LIMS1: variants seen among roughly 807,000 people sequenced by gnomAD.
LIMS1 encodes LIM zinc finger domain containing 1, also known as LIM and senescent cell antigen-like-containing domain protein 1.
LIMS1 carries 18 observed loss-of-function variants against 44.1 expected under a neutral mutation model. The ratio of observed to expected loss-of-function variants is 0.41; its 90% CI spans 0.28 to 0.61. The LOEUF is 0.61. Among genes scored for constraint, LIMS1 ranks in the 20% least tolerant of loss-of-function variants. The pLI is 0.32. For synonymous variants in LIMS1, 93 were observed against 149.1 expected (o/e 0.62, Z 2.74); for missense variants, 201 against 422.0 (o/e 0.48, Z 4.59).
At position 108,556,628 on chromosome 2, in the gene LIMS1, CCCTT is replaced by C. The variant is rs1477394539; in HGVS notation, c.32+22039_32+22042del. Among the ~76,000 whole-genome samples the C allele has an allele frequency of 2.0e-5, 3 of 152,340 alleles. No individual in the cohort carries two copies. In the East Asian group the frequency reaches 5.8e-4, roughly 29 times the overall value. ...TTCTCTTTCTCTCCTTTCCTTCCCTCCCTTCCTTTGTTGGAGGCTGAAAGAATGA... is the reference window on the plus strand; with the variant it reads ...TTCTCTTTCTCTCCTTTCCTTCCCTCCCTTTGTTGGAGGCTGAAAGAATGA... On this transcript the variant is annotated intron_variant, in intron 1 of 9. Coordinates refer to ENST00000544547, the Ensembl canonical transcript of LIMS1.
chr2:108,613,754 AC>A (rs1687783479), intron 1 of LIMS1, among the ~76,000 whole-genome samples: 3 of 151,678 alleles, frequency 2.0e-5, no homozygotes, highest in Admixed American at 2.0e-4. Flanking sequence ...ACATGCCACC[AC>A]CCATGTCTCT....
At chr2:108,599,648 G>T (rs555579312) in intron 1 of LIMS1, among the ~76,000 whole-genome samples, 3 of 152,226 alleles carry the variant, frequency 2.0e-5, no homozygotes, top group South Asian at 2.1e-4. Context: ...CACCAACAGG[G>T]TACAAGGGTT....
chr2:108,551,953 G>GTATATATATATA (rs10598934), intron 1 of LIMS1, among the ~76,000 whole-genome samples: 2 of 85,326 alleles, frequency 2.3e-5, no homozygotes, highest in African/African-American at 6.8e-5. Context: ...GTGTGTGTGT[G>GTATATATATATA]TATATATATA....
At chr2:108,540,786 A>G (rs1156627756) in intron 1 of LIMS1, among the ~76,000 whole-genome samples, 1 of 152,246 alleles carries the variant, frequency 6.6e-6, no homozygotes, top group East Asian at 1.9e-4. Flanking sequence ...GCCGAAAGTC[A>G]GTTAACAGCA....
At chr2:108,680,930 C>T in intron 9 of LIMS1, 160 bp downstream of exon 9, 1 of 1,296,782 alleles carries the variant, frequency 7.7e-7, no homozygotes, top group Non-Finnish European at 1.0e-6. Flanking sequence ...TTAACTGTTC[C>T]CTGTTCTTTC....
intron 1 of LIMS1, among the ~76,000 whole-genome samples, chr2:108,647,632 C>T (rs1240314357): frequency 1.3e-5 from 2 of 152,214 alleles, no homozygotes; most frequent in South Asian, 2.1e-4. Flanking sequence ...AAGTCAGCTT[C>T]ATCCCTGGGA....
chr2:108,575,684 C>T (rs1168185793), intron 1 of LIMS1, among the ~76,000 whole-genome samples: 1 of 152,216 alleles, frequency 6.6e-6, no homozygotes, highest in African/African-American at 2.4e-5. Flanking sequence ...TGTTCTCCAG[C>T]TTCCTTTTAG....
At chr2:108,565,648 T>C (rs1281945128) in intron 1 of LIMS1, among the ~76,000 whole-genome samples, 1 of 152,210 alleles carries the variant, frequency 6.6e-6, no homozygotes, top group Non-Finnish European at 1.5e-5. Flanking sequence ...ATGGTCTGTT[T>C]TATATATTGT....
intron 1 of LIMS1, among the ~76,000 whole-genome samples, chr2:108,615,763 G>A (rs1039663252): frequency 6.6e-6 from 1 of 152,172 alleles, no homozygotes; most frequent in Non-Finnish European, 1.5e-5. Context: ...ATGTTGCACA[G>A]GTCCTGTCTG....
At chr2:108,577,012 A>G (rs1685695831) in intron 1 of LIMS1, among the ~76,000 whole-genome samples, 1 of 152,200 alleles carries the variant, frequency 6.6e-6, no homozygotes, top group Admixed American at 6.5e-5. Context: ...GATTTTCACT[A>G]GTATGTCCAA....
At chr2:108,677,857 C>T in intron 7 of LIMS1, 122 bp from the exon 8 acceptor site, 6 of 1,474,484 alleles carry the variant, frequency 4.1e-6, no homozygotes, top group Non-Finnish European at 5.4e-6. Context: ...TGTCAAAGAA[C>T]TTTTACTAAA....
intron 1 of LIMS1, among the ~76,000 whole-genome samples, chr2:108,625,227 A>C (rs1298274023): frequency 6.6e-6 from 1 of 152,226 alleles, no homozygotes; most frequent in Non-Finnish European, 1.5e-5. Flanking sequence ...TATTTTTCAC[A>C]TGTGAAATAT....
intron 8 of LIMS1, 130 bp from the exon 9 acceptor site, chr2:108,680,560 AAAAAG>A (rs879095746): frequency 0.1 from 99,432 of 951,082 alleles, 1,081 homozygotes; most frequent in East Asian, 0.35. Context: ...AAAAAAAAAA[AAAAAG>A]GTTCTTGAGA....
At chr2:108,547,419 C>T (rs1684517141) in intron 1 of LIMS1, among the ~76,000 whole-genome samples, 2 of 152,166 alleles carry the variant, frequency 1.3e-5, no homozygotes, top group South Asian at 4.1e-4. Flanking sequence ...GGTGGACACT[C>T]TCTTGGGTGG....
intron 1 of LIMS1, among the ~76,000 whole-genome samples, chr2:108,578,740 C>T (rs1183964717): frequency 6.6e-6 from 1 of 151,678 alleles, no homozygotes; most frequent in Non-Finnish European, 1.5e-5. Flanking sequence ...ACTACAGGTG[C>T]CCACCACCAC....
intron 1 of LIMS1, among the ~76,000 whole-genome samples, chr2:108,636,280 C>T (rs1438759870): frequency 6.6e-6 from 1 of 152,224 alleles, no homozygotes; most frequent in Non-Finnish European, 1.5e-5. Context: ...TGAGTTCCCT[C>T]ACCCAAGGTA....
chr2:108,650,335 G>T (rs1690378437), intron 1 of LIMS1, among the ~76,000 whole-genome samples: 1 of 151,852 alleles, frequency 6.6e-6, no homozygotes, highest in African/African-American at 2.4e-5. Flanking sequence ...GCTTTACTCT[G>T]TTGTAGCTAA....
intron 1 of LIMS1, among the ~76,000 whole-genome samples, chr2:108,553,367 A>T (rs1488068447): frequency 6.6e-6 from 1 of 152,178 alleles, no homozygotes; most frequent in Non-Finnish European, 1.5e-5. Flanking sequence ...ACTGTTATAT[A>T]AACTTGGAGA....
At chr2:108,682,113 G>A (rs753111024) in intron 9 of LIMS1, among the ~76,000 whole-genome samples, 1 of 152,076 alleles carries the variant, frequency 6.6e-6, no homozygotes, top group Non-Finnish European at 1.5e-5. Context: ...CAGCATGATT[G>A]TTCCAGTTTT....
Sources: gnomAD v4.1 joint callset for allele counts (sites outside exome capture counted in the v4.1 genomes callset) on GRCh38, gnomAD v4.1.1 for gene constraint, MANE v1.5 for transcripts, NCBI Gene and HGNC (gene_info 2026-07-23, HGNC 2026-07-21) for gene names.